The following ZNF438 variants were observed in gnomAD, a reference collection of about 807,000 sequenced individuals.
ZNF438 encodes the protein zinc finger protein 438.
ZNF438 carries 25 observed loss-of-function variants against 38.0 expected under a neutral mutation model. That is an observed-to-expected ratio of 0.66 (90% CI 0.48 to 0.92). ZNF438 has a LOEUF of 0.92. Among genes scored for constraint, ZNF438 ranks in the 40% least tolerant of loss-of-function variants. The pLI, the probability that ZNF438 is intolerant of heterozygous loss-of-function variation, is 0.00. For missense variants in ZNF438, 1,007 were observed against 999.6 expected, an observed-to-expected ratio of 1.01 and a Z score of -0.10; for synonymous variants, 372 against 364.1, an observed-to-expected ratio of 1.02 and a Z score of -0.25.
intron 3 of ZNF438, among the ~76,000 whole-genome samples, chr10:30,901,215 G>A (rs2041939484): frequency 2.6e-5 from 4 of 152,144 alleles, no homozygotes; most frequent in African/African-American, 4.8e-5. Context: ...TCTGTGTGCT[G>A]GCATCCTAAA....
At position 30,848,874 on chromosome 10, in the gene ZNF438, C is replaced by T. The variant is rs148964717; in HGVS notation, c.1531G>A (p.Val511Ile). The T allele has an allele frequency of 1.1e-4, 175 of 1,614,182 alleles. No individual in the cohort carries two copies. In the African/African-American group the frequency reaches 1.6e-3, roughly 15 times the overall value. ...TTGAACTGGAAGTGGTGGTTGCAGA[C>T]GTGACATCTGTGCCAAGGCTTCTTA... is the stretch of plus-strand genomic sequence containing the variant. Residue 511 changes from valine to isoleucine, a missense_variant, in exon 5 of 6, where the codon GTC (valine) becomes ATC (isoleucine). Coordinates refer to ENST00000413025, the Ensembl canonical transcript of ZNF438.
At chr10:30,941,404 T>C (rs1181303493) in intron 2 of ZNF438, among the ~76,000 whole-genome samples, 171 bp downstream of exon 3, 1 of 152,178 alleles carries the variant, frequency 6.6e-6, no homozygotes, top group Non-Finnish European at 1.5e-5. Flanking sequence ...ATGTGAAATT[T>C]AATAAGAAAT....
intron 2 of ZNF438, among the ~76,000 whole-genome samples, chr10:30,927,210 C>T (rs1350953262): frequency 6.6e-6 from 1 of 152,190 alleles, no homozygotes; most frequent in Admixed American, 6.5e-5. Flanking sequence ...CAAAAGCCAT[C>T]TCAGTTTTGG....
rs191410873 is a variant in ZNF438 at position 30,909,814 on chromosome 10, C to T, written c.-114-799G>A. 5.3e-5 allele frequency among the ~76,000 whole-genome samples: 8 copies of T among 152,278 alleles called. No homozygotes were observed. The South Asian group carries it at 8.3e-4, about 16-fold the overall frequency. On this transcript the variant is annotated intron_variant, in intron 2 of 5. Coordinates refer to ENST00000413025, the Ensembl canonical transcript of ZNF438. ...GCCTTAAGCAGTCATATGGTAACCA[C>T]CATGGAGCCTGAATCTAAAAATATT...
chr10:30,971,826 T>C (rs1255395124), intron 1 of ZNF438, among the ~76,000 whole-genome samples: 1 of 152,144 alleles, frequency 6.6e-6, no homozygotes, highest in Non-Finnish European at 1.5e-5. Flanking sequence ...AACCACTCGG[T>C]GTATTTAATC....
At chr10:30,916,848 G>A (rs2043693824) in intron 2 of ZNF438, among the ~76,000 whole-genome samples, 1 of 151,992 alleles carries the variant, frequency 6.6e-6, no homozygotes, top group Admixed American at 6.6e-5. Flanking sequence ...CAACTTATTA[G>A]TTAATGCAAA....
At chr10:30,858,915 G>A (rs2035128277) in intron 4 of ZNF438, among the ~76,000 whole-genome samples, 1 of 152,102 alleles carries the variant, frequency 6.6e-6, no homozygotes. Flanking sequence ...ACCTCACTTC[G>A]CAGGGAAGGA....
At chr10:30,982,410 T>A (rs2052315459) in intron 1 of ZNF438, among the ~76,000 whole-genome samples, 1 of 152,112 alleles carries the variant, frequency 6.6e-6, no homozygotes, top group Non-Finnish European at 1.5e-5. Context: ...CATCCTGTCT[T>A]TTTCTCAACT....
chr10:30,997,965 A>G (rs373992016), intron 1 of ZNF438, among the ~76,000 whole-genome samples: 34 of 152,338 alleles, frequency 2.2e-4, no homozygotes, highest in South Asian at 1.9e-3. Flanking sequence ...CAAAAAAACT[A>G]TCTTTCTTCC....
chr10:30,870,729 G>C (rs1403846094), intron 4 of ZNF438, among the ~76,000 whole-genome samples: 29 of 152,188 alleles, frequency 1.9e-4, no homozygotes, highest in Admixed American at 1.9e-3. Context: ...AGGCTCACAA[G>C]AACCTATCCT....
At chr10:30,924,539 T>C (rs2044695946) in intron 2 of ZNF438, among the ~76,000 whole-genome samples, 1 of 152,228 alleles carries the variant, frequency 6.6e-6, no homozygotes, top group African/African-American at 2.4e-5. Context: ...TAAAATAAAG[T>C]TTCCAGCTTT....
At chr10:30,846,756 G>C (rs185048785) in intron 5 of ZNF438, among the ~76,000 whole-genome samples, 75 of 152,282 alleles carry the variant, frequency 4.9e-4, no homozygotes, top group Non-Finnish European at 7.1e-4. Flanking sequence ...CCCTGCTGTG[G>C]CTGCAGATCC....
chr10:31,018,333 G>A (rs900951964), intron 1 of ZNF438, among the ~76,000 whole-genome samples: 2 of 152,224 alleles, frequency 1.3e-5, no homozygotes, highest in South Asian at 2.1e-4. Flanking sequence ...CTGGCTAATC[G>A]TTCTCTTATT....
At chr10:31,001,965 C>T (rs953570236) in intron 1 of ZNF438, among the ~76,000 whole-genome samples, 3 of 152,068 alleles carry the variant, frequency 2.0e-5, no homozygotes, top group African/African-American at 7.2e-5. Context: ...GAAGGGATGC[C>T]CCCAGGATCT....
chr10:30,950,078 C>T (rs1235333240), intron 1 of ZNF438, among the ~76,000 whole-genome samples: 1 of 149,944 alleles, frequency 6.7e-6, no homozygotes, highest in Non-Finnish European at 1.5e-5. Context: ...CAAACTAGAA[C>T]TCAGGATTAA....
chr10:30,844,734 G>T, exon 6 of ZNF438: 1 of 495,472 alleles, frequency 2.0e-6, no homozygotes, highest in Non-Finnish European at 3.5e-6. Flanking sequence ...AAGATATTAA[G>T]AATCAGTACG....
rs373461864 is a variant in ZNF438, at chr10:30,948,459, G to A, written c.-191-6808C>T. 1.7e-3 allele frequency among the ~76,000 whole-genome samples: 255 copies of A among 152,210 alleles called. 2 individuals are homozygous for A. The East Asian group carries it at 0.033, about 20-fold the overall frequency. ...AGACGATCAAATTACTCTGAGCTAC[G>A]GGAGGACATTCAAACCAAAGGCAAA... On this transcript the variant is annotated intron_variant, in intron 1 of 5. Transcript: ENST00000413025.
intron 4 of ZNF438, chr10:30,857,641 A>G: frequency 1.4e-6 from 2 of 1,427,482 alleles, no homozygotes; most frequent in Non-Finnish European, 1.9e-6. Context: ...AGTCATTTGA[A>G]AGCAAAAGCA....
At chr10:30,860,966 C>T (rs960856187) in intron 4 of ZNF438, among the ~76,000 whole-genome samples, 10 of 151,908 alleles carry the variant, frequency 6.6e-5, no homozygotes, top group African/African-American at 2.4e-4. Context: ...TAGTATTTTG[C>T]CGAATAAATT....
Sources: allele counts gnomAD v4.1 joint callset (sites outside exome capture counted in the v4.1 genomes callset), GRCh38; gene constraint gnomAD v4.1.1; transcripts MANE v1.5; gene names NCBI Gene and HGNC (gene_info 2026-07-23, HGNC 2026-07-21).